The following CRLS1 variants were observed in gnomAD, a reference collection of about 807,000 sequenced individuals.
The protein encoded by CRLS1 is cardiolipin synthase (CMP-forming).
A neutral mutation model predicts 37.0 loss-of-function variants in CRLS1; 24 were observed. The ratio of observed to expected loss-of-function variants is 0.65; its 90% CI spans 0.47 to 0.91. CRLS1 has a LOEUF of 0.91. Among genes scored for constraint, CRLS1 ranks in the 40% least tolerant of loss-of-function variants. CRLS1 has a pLI of 0.00. For synonymous variants in CRLS1, 135 were observed against 159.7 expected, an observed-to-expected ratio of 0.85 and a Z score of 1.17; for missense variants, 373 against 395.8, an observed-to-expected ratio of 0.94 and a Z score of 0.49.
At chr20:6,010,362 A>G (rs2090117348) in intron 2 of CRLS1, among the ~76,000 whole-genome samples, 1 of 152,226 alleles carries the variant, frequency 6.6e-6, no homozygotes, top group Non-Finnish European at 1.5e-5. Context: ...GAACTGGGAT[A>G]TGACCAGAAG....
Position 6,031,992 on chromosome 20 carries a change from C to CT in CRLS1, c.661-14dup. ...TTAAACAATAAGTTAATTACTTTAT[C>CT]TTTTTTGGTCCTCTGCCAGCGAACA... On this transcript the variant is annotated intron_variant, in intron 4 of 6. Transcript: ENST00000378863. 1.9e-6 allele frequency: 3 copies of CT among 1,591,094 alleles called. No homozygotes were observed. Among genetic ancestry groups the CT allele is most frequent in the Non-Finnish European group, 2.6e-6 (3 of 1,161,790 alleles).
intron 3 of CRLS1, among the ~76,000 whole-genome samples, chr20:6,030,463 A>G (rs1480353144): frequency 1.3e-5 from 2 of 152,122 alleles, no homozygotes; most frequent in Non-Finnish European, 2.9e-5. Context: ...TGGCTCATGC[A>G]TGTAATCCCA....
At chr20:6,031,211 A>T in intron 3 of CRLS1, 74 bp from the exon 4 acceptor site, 1 of 929,040 alleles carries the variant, frequency 1.1e-6, no homozygotes, top group Non-Finnish European at 1.6e-6. Context: ...GCTGAATGAC[A>T]TATTATTGTA....
chr20:6,036,959 T>A (rs1472522223), intron 6 of CRLS1, 115 bp from the exon 7 acceptor site: 2 of 714,316 alleles, frequency 2.8e-6, no homozygotes, highest in Non-Finnish European at 4.6e-6. Context: ...GAGCCCTTTT[T>A]ACTTTTTAAA....
At chr20:6,009,047 G>A (rs891674207) in intron 1 of CRLS1, among the ~76,000 whole-genome samples, 3 of 152,120 alleles carry the variant, frequency 2.0e-5, no homozygotes, top group Admixed American at 1.3e-4. Flanking sequence ...ATAATAGGCC[G>A]GGCATGCTGG....
chr20:6,013,976 A>G (rs1337965890), intron 2 of CRLS1, among the ~76,000 whole-genome samples: 1 of 152,218 alleles, frequency 6.6e-6, no homozygotes, highest in Non-Finnish European at 1.5e-5. Flanking sequence ...TGAAAGGTTA[A>G]GTTCCCTGAG....
At chr20:6,009,296 C>T (rs1200569934) in intron 1 of CRLS1, among the ~76,000 whole-genome samples, 2 of 149,402 alleles carry the variant, frequency 1.3e-5, no homozygotes, top group African/African-American at 5.0e-5. Flanking sequence ...GCACTCCAGC[C>T]TGGGCAACAG....
intron 4 of CRLS1, 145 bp downstream of exon 4, chr20:6,031,515 T>C (rs1394399708): frequency 1.7e-6 from 1 of 594,246 alleles, no homozygotes; most frequent in Non-Finnish European, 2.9e-6. Flanking sequence ...AAGCAAATTC[T>C]TTAAAGGTGT....
At position 6,006,143 on chromosome 20, in the gene CRLS1, C is replaced by A; in HGVS notation, c.-104C>A. The A allele has an allele frequency of 1.9e-6, 1 of 534,748 alleles. No homozygotes were observed. Among genetic ancestry groups the A allele is most frequent in the Non-Finnish European group, 2.8e-6 (1 of 358,920 alleles). The allele number at this position is 534,748 out of a possible 1,614,324, so 33.1% of individuals were successfully genotyped here. A position where few individuals can be genotyped will look rare whatever the true frequency, so the allele number is the denominator to read the frequency against. On this transcript the variant is annotated 5_prime_UTR_variant, in exon 1 of 7. Transcript: ENST00000378863. Reference sequence around the variant, plus strand: ...AAAGTAGTATGGAGGCAGCGGTAGCCCAGTGTCTGAGTGGTTGCCGGGTCT... The same window carrying A: ...AAAGTAGTATGGAGGCAGCGGTAGCACAGTGTCTGAGTGGTTGCCGGGTCT...
intron 3 of CRLS1, among the ~76,000 whole-genome samples, chr20:6,022,673 T>C (rs931384836): frequency 1.3e-5 from 2 of 152,232 alleles, no homozygotes; most frequent in African/African-American, 4.8e-5. Context: ...TGCTTTCTTG[T>C]GGCTATTTTT....
chr20:6,009,373 C>T (rs368891708), intron 1 of CRLS1, among the ~76,000 whole-genome samples: 3 of 152,044 alleles, frequency 2.0e-5, no homozygotes, highest in South Asian at 4.1e-4. Flanking sequence ...TGTAAGACAC[C>T]TTACCCTGTG....
At chr20:6,020,747 C>T (rs994884760) in intron 3 of CRLS1, among the ~76,000 whole-genome samples, 26 of 151,388 alleles carry the variant, frequency 1.7e-4, no homozygotes, top group African/African-American at 2.9e-4. Flanking sequence ...CTCAGCCTCC[C>T]GAGTAGCTGG....
intron 5 of CRLS1, among the ~76,000 whole-genome samples, chr20:6,033,507 C>T (rs763693537): frequency 2.6e-5 from 4 of 152,122 alleles, no homozygotes; most frequent in Admixed American, 6.5e-5. Context: ...CAGAGGTGCT[C>T]GTCTGCTTCA....
At chr20:6,031,247 A>G in intron 3 of CRLS1, 38 bp from the exon 4 acceptor site, 3 of 1,407,054 alleles carry the variant, frequency 2.1e-6, no homozygotes, top group Non-Finnish European at 3.0e-6. Context: ...AGTACTCTTC[A>G]GAATCCCAGT....
At chr20:6,033,337 T>C (rs1980320153) in intron 5 of CRLS1, among the ~76,000 whole-genome samples, 1 of 151,936 alleles carries the variant, frequency 6.6e-6, no homozygotes, top group Non-Finnish European at 1.5e-5. Context: ...GGTTTCACCA[T>C]GTTGGTCAGA....
chr20:6,007,386 C>T (rs372574921), intron 1 of CRLS1: 14 of 1,613,622 alleles, frequency 8.7e-6, no homozygotes, highest in Non-Finnish European at 1.2e-5. Context: ...CCCAGAACGG[C>T]AGTAGTTGGT....
intron 1 of CRLS1, 138 bp from the exon 2 acceptor site, chr20:6,009,636 CA>C: frequency 3.2e-6 from 2 of 628,304 alleles, no homozygotes; most frequent in Non-Finnish European, 5.2e-6. Flanking sequence ...TTTTAAAATT[CA>C]ATTTAATGTA....
In CRLS1 at chr20:6,036,085, G is replaced by A. The variant is rs534736563; in HGVS notation, c.822-989G>A. Among the ~76,000 whole-genome samples the A allele has an allele frequency of 3.0e-3, 461 of 152,148 alleles. 2 individuals are homozygous for A. The highest frequency in any genetic ancestry group is 9.8e-3 in the African/African-American group (407 of 41,514). On this transcript the variant is annotated intron_variant, in intron 6 of 6. Transcript: ENST00000378863. ...CTCTCAAAGTGCTGGGATTACAGGT[G>A]TGAGCCACTGTGCCCAGCCACTAAT...
chr20:6,036,852 T>G (rs1252555521), intron 6 of CRLS1, among the ~76,000 whole-genome samples: 1 of 152,232 alleles, frequency 6.6e-6, no homozygotes, highest in East Asian at 1.9e-4. Context: ...TAGGGCTCAT[T>G]ATCTAGAATA....
Sources: gnomAD v4.1 joint callset for allele counts (sites outside exome capture counted in the v4.1 genomes callset) on GRCh38, gnomAD v4.1.1 for gene constraint, MANE v1.5 for transcripts, NCBI Gene and HGNC (gene_info 2026-07-23, HGNC 2026-07-21) for gene names.